Variants in MYO5B observed in about 807,000 individuals in gnomAD.
MYO5B encodes myosin VB, also known as unconventional myosin-Vb.
In MYO5B, 143 loss-of-function variants were observed where a neutral mutation model predicts 229.3. The observed-to-expected ratio is 0.62, with a 90% CI of 0.54 to 0.72. The LOEUF (loss-of-function observed/expected upper bound fraction) is 0.72, where lower values mean the gene tolerates loss of function less well. Among genes scored for constraint, MYO5B ranks in the 30% least tolerant of loss-of-function variants. MYO5B has a pLI of 0.00. For missense variants in MYO5B, 2,321 were observed against 2,331.0 expected (o/e 1.00, Z 0.09); for synonymous variants, 918 against 885.2 (o/e 1.04, Z -0.66).
At chr18:50,055,235 A>AACCC in intron 2 of MYO5B, 33 bp downstream of exon 2, 3 of 353,292 alleles carry the variant, frequency 8.5e-6, no homozygotes, top group South Asian at 2.0e-5. Flanking sequence ...GCCCCACCTC[A>AACCC]CCCCCGCCCC....
intron 23 of MYO5B, 197 bp from the exon 24 acceptor site, chr18:49,879,287 G>C: frequency 3.1e-6 from 2 of 645,766 alleles, no homozygotes; most frequent in East Asian, 5.7e-5. Flanking sequence ...TTCAGAGAGG[G>C]AGAGAAAGAC....
At chr18:49,950,795 T>C (rs1404265053) in intron 14 of MYO5B, among the ~76,000 whole-genome samples, 1 of 152,182 alleles carries the variant, frequency 6.6e-6, no homozygotes, top group East Asian at 1.9e-4. Flanking sequence ...ACCCAGTACC[T>C]GCAATCTAAA....
chr18:49,837,853 A>G (rs1387710983), intron 36 of MYO5B, 51 bp from the exon 37 acceptor site: 10 of 1,600,958 alleles, frequency 6.2e-6, no homozygotes, highest in African/African-American at 1.3e-5. Flanking sequence ...TAACAATGCA[A>G]AGATTGGACC....
In MYO5B at chr18:50,111,814, A is replaced by C. The variant is rs147436923; in HGVS notation, c.28-56436T>G. On this transcript the variant is annotated intron_variant, in intron 1 of 39. Transcript: ENST00000285039. ...TTAGCCCTTTCATTCATTTCTTTGA[A>C]CTTCTGAAGACTCTGCCTCTTATCA... Among the ~76,000 whole-genome samples, 115 of 152,280 alleles carry C rather than the reference A, an allele frequency of 7.6e-4. No homozygotes were observed. The East Asian group carries it at 9.4e-3, about 13-fold the overall frequency.
At chr18:50,136,585 T>G (rs1705502) in intron 1 of MYO5B, among the ~76,000 whole-genome samples, 148,535 of 152,186 alleles carry the variant, frequency 0.98, 72,575 homozygotes, top group East Asian at 1. Context: ...GGAGGTAGGG[T>G]TATGTGTGTA....
intron 4 of MYO5B, among the ~76,000 whole-genome samples, chr18:50,021,584 T>C (rs146645239): frequency 1.2e-4 from 18 of 152,254 alleles, no homozygotes; most frequent in Non-Finnish European, 1.9e-4. Context: ...AAGATCAGTT[T>C]GGGTGTCACG....
intron 1 of MYO5B, among the ~76,000 whole-genome samples, chr18:50,161,484 A>C (rs2032765093): frequency 7.3e-6 from 1 of 137,668 alleles, no homozygotes; most frequent in Non-Finnish European, 1.6e-5. Flanking sequence ...CAGACACTGA[A>C]GGAATTTAGA....
At chr18:50,032,623 A>G (rs772834756) in intron 4 of MYO5B, among the ~76,000 whole-genome samples, 3 of 152,350 alleles carry the variant, frequency 2.0e-5, no homozygotes, top group South Asian at 2.1e-4. Flanking sequence ...TGATGAACAT[A>G]TAAGTTGTTT....
Position 49,843,230 on chromosome 18 carries a change from G to C in MYO5B, c.4611+11C>G. 1 of 1,613,554 alleles carries C rather than the reference G, an allele frequency of 6.2e-7. No individual in the cohort carries two copies. The highest frequency in any genetic ancestry group is 1.1e-5 in the South Asian group (1 of 91,052). On this transcript the variant is annotated intron_variant, in intron 34 of 39. Transcript: ENST00000285039. ...CACCACAAACCATGACCTTCTGCAGGGGCTGCTTACTTTCAGGACTTTCTT... is the reference window on the plus strand; with the variant it reads ...CACCACAAACCATGACCTTCTGCAGCGGCTGCTTACTTTCAGGACTTTCTT...
intron 8 of MYO5B, among the ~76,000 whole-genome samples, chr18:49,984,327 T>G (rs767148107): frequency 2.5e-4 from 38 of 152,344 alleles, no homozygotes; most frequent in South Asian, 2.3e-3. Flanking sequence ...CATGCTGTGG[T>G]GCACAGGTGC....
At chr18:49,957,375 C>T (rs2025505530) in intron 12 of MYO5B, among the ~76,000 whole-genome samples, 1 of 151,968 alleles carries the variant, frequency 6.6e-6, no homozygotes, top group African/African-American at 2.4e-5. Context: ...GGCGCAATGG[C>T]TCACACCTGT....
At chr18:50,072,537 T>G (rs2030982602) in intron 1 of MYO5B, among the ~76,000 whole-genome samples, 1 of 152,144 alleles carries the variant, frequency 6.6e-6, no homozygotes, top group Non-Finnish European at 1.5e-5. Context: ...TTCCTCAGTT[T>G]CCTCATTTGT....
intron 14 of MYO5B, among the ~76,000 whole-genome samples, chr18:49,949,699 T>C (rs1323970659): frequency 6.6e-6 from 1 of 152,210 alleles, no homozygotes; most frequent in Non-Finnish European, 1.5e-5. Context: ...AAAAGTACTT[T>C]AGGTAAAATT....
intron 1 of MYO5B, among the ~76,000 whole-genome samples, chr18:50,129,463 G>A (rs185276725): frequency 1.4e-3 from 211 of 152,318 alleles, no homozygotes; most frequent in African/African-American, 4.6e-3. Context: ...TGGAGCTCTT[G>A]TCCAGCATTC....
At chr18:49,995,445 G>A (rs975793932) in intron 5 of MYO5B, among the ~76,000 whole-genome samples, 1 of 149,474 alleles carries the variant, frequency 6.7e-6, no homozygotes, top group Non-Finnish European at 1.5e-5. Flanking sequence ...TTTTTTTGTA[G>A]AGACAGGGTT....
intron 4 of MYO5B, among the ~76,000 whole-genome samples, chr18:50,022,273 C>A (rs887163486): frequency 6.6e-6 from 1 of 152,158 alleles, no homozygotes; most frequent in African/African-American, 2.4e-5. Context: ...TGTATAACTC[C>A]GCTGTGATTC....
chr18:50,157,258 AC>A (rs1236941546), intron 1 of MYO5B, among the ~76,000 whole-genome samples: 1 of 152,056 alleles, frequency 6.6e-6, no homozygotes, highest in Non-Finnish European at 1.5e-5. Flanking sequence ...GGTGCCTGCC[AC>A]CATGCCCAGC....
intron 1 of MYO5B, among the ~76,000 whole-genome samples, chr18:50,189,363 T>C (rs761272620): frequency 3.3e-5 from 5 of 152,210 alleles, no homozygotes; most frequent in Non-Finnish European, 7.4e-5. Context: ...GTAACTTTAG[T>C]TCAACTGTAC....
At chr18:49,992,068 TTGAATC>T (rs1432578013) in intron 6 of MYO5B, among the ~76,000 whole-genome samples, 1 of 152,216 alleles carries the variant, frequency 6.6e-6, no homozygotes, top group Non-Finnish European at 1.5e-5. Context: ...CGTTTGTTGA[TTGAATC>T]TGAAAACAGT....
Sources: gnomAD v4.1 joint callset for allele counts (sites outside exome capture counted in the v4.1 genomes callset) on GRCh38, gnomAD v4.1.1 for gene constraint, MANE v1.5 for transcripts, NCBI Gene and HGNC (gene_info 2026-07-23, HGNC 2026-07-21) for gene names.